MROH2B: variants seen among roughly 807,000 people sequenced by gnomAD.
MROH2B encodes maestro heat-like repeat-containing protein family member 2B.
Under a neutral mutation model 208.6 loss-of-function variants are expected in MROH2B, and 177 were observed. The ratio of observed to expected loss-of-function variants is 0.85; its 90% CI spans 0.75 to 0.96. The LOEUF is 0.96. MROH2B is among the 40% of genes least tolerant of loss of function. MROH2B has a pLI of 0.00. For synonymous variants in MROH2B, 728 were observed against 659.0 expected, an observed-to-expected ratio of 1.10 and a Z score of -1.60; for missense variants, 2,002 against 1,878.7, an observed-to-expected ratio of 1.07 and a Z score of -1.21.
At chr5:41,029,510 C>T (rs1000247112) in intron 24 of MROH2B, among the ~76,000 whole-genome samples, 11 of 151,946 alleles carry the variant, frequency 7.2e-5, no homozygotes, top group Non-Finnish European at 2.9e-5. Context: ...CTTTTGTAGG[C>T]CAAGATTTTG....
At chr5:41,036,127 TATAC>T (rs1406253621) in intron 21 of MROH2B, among the ~76,000 whole-genome samples, 13 of 124,218 alleles carry the variant, frequency 1.0e-4, no homozygotes, top group South Asian at 2.9e-4. Context: ...ATATATTATA[TATAC>T]ACACACACAC....
intron 24 of MROH2B, among the ~76,000 whole-genome samples, chr5:41,025,995 G>A (rs1281329046): frequency 6.6e-6 from 1 of 152,132 alleles, no homozygotes; most frequent in East Asian, 1.9e-4. Context: ...AGCCCCTCAT[G>A]CTAAAAACTC....
intron 21 of MROH2B, among the ~76,000 whole-genome samples, chr5:41,035,087 G>GA (rs1032286002): frequency 2.6e-5 from 4 of 151,984 alleles, no homozygotes; most frequent in African/African-American, 7.2e-5. Context: ...CACAGAATTA[G>GA]AAAAAAACTA....
Position 41,070,912 on chromosome 5 carries a change from A to G in MROH2B, c.-60T>C. On this transcript the variant is annotated 5_prime_UTR_variant, in exon 1 of 42. Transcript: ENST00000399564. ...CCTAAGTATTAGAAATAGTAAGGCT[A>G]AAAAATCAAAGAGGCAGGTTGGCAA... 1 of 1,566,672 alleles carries G rather than the reference A, an allele frequency of 6.4e-7. No homozygotes were observed. Among genetic ancestry groups the G allele is most frequent in the Non-Finnish European group, 8.7e-7 (1 of 1,147,206 alleles).
intron 37 of MROH2B, 36 bp downstream of exon 37, chr5:41,004,310 T>C (rs1452207104): frequency 4.4e-6 from 7 of 1,601,314 alleles, no homozygotes; most frequent in Non-Finnish European, 5.1e-6. Context: ...GTTCACTCAC[T>C]TCTGGGGAGG....
chr5:41,061,425 G>GA, intron 6 of MROH2B, 145 bp downstream of exon 6: 1 of 700,376 alleles, frequency 1.4e-6, no homozygotes. Flanking sequence ...AAATAGGTGG[G>GA]AAAAAAGAAA....
chr5:41,012,500 T>C (rs1005528579), intron 30 of MROH2B, 83 bp downstream of exon 30: 2 of 1,451,350 alleles, frequency 1.4e-6, no homozygotes, highest in African/African-American at 2.8e-5. Flanking sequence ...TGCCCATCAG[T>C]GGACAAACAG....
intron 19 of MROH2B, among the ~76,000 whole-genome samples, chr5:41,040,092 C>G (rs1013424118): frequency 3.7e-4 from 56 of 152,274 alleles, no homozygotes; most frequent in Non-Finnish European, 7.4e-5. Context: ...ACAGTAGGGC[C>G]TTTTAGGCCG....
At chr5:41,054,713 A>C in intron 11 of MROH2B, 54 bp downstream of exon 11, 1 of 1,359,720 alleles carries the variant, frequency 7.4e-7, no homozygotes, top group Non-Finnish European at 1.0e-6. Context: ...AATCAAAATA[A>C]TTTCATTCAT....
At chr5:41,044,216 C>T (rs201257187) in intron 18 of MROH2B, among the ~76,000 whole-genome samples, 2 of 149,524 alleles carry the variant, frequency 1.3e-5, no homozygotes, top group East Asian at 3.9e-4. Flanking sequence ...TGCCACCGCA[C>T]TCCAGCCTGG....
intron 29 of MROH2B, among the ~76,000 whole-genome samples, chr5:41,014,330 A>G (rs115495916): frequency 6.6e-6 from 1 of 152,300 alleles, no homozygotes; most frequent in African/African-American, 2.4e-5. Context: ...TTTCAAATAG[A>G]GCAAAAAACA....
intron 34 of MROH2B, among the ~76,000 whole-genome samples, chr5:41,006,237 C>T (rs970012076): frequency 6.6e-5 from 10 of 151,886 alleles, no homozygotes; most frequent in African/African-American, 1.5e-4. Context: ...TGGAAAAATG[C>T]TTAACATCAC....
Position 41,039,509 on chromosome 5 carries a change from A to G in MROH2B, c.2000T>C (p.Ile667Thr), listed in dbSNP as rs372978038. Reference sequence around the variant, plus strand: ...GAATGTTTTAAGAACTTTTAAAACAATATCCAAATGGTTCTCGGCACAGTA... The same window carrying G: ...GAATGTTTTAAGAACTTTTAAAACAGTATCCAAATGGTTCTCGGCACAGTA... ...LGYCAENHLDIVLKVLKTFQN... is the reference protein window; with the variant it reads ...LGYCAENHLDTVLKVLKTFQN... The change falls in exon 20 of 42, where the codon ATT becomes ACT. Residue 667 changes from isoleucine (I) to threonine (T), a missense_variant. By Grantham distance (89) the Ile-to-Thr change is moderately conservative (BLOSUM62 -1). Coordinates refer to ENST00000399564, the MANE Select transcript of MROH2B (RefSeq NM_173489.5). 3.0e-5 allele frequency: 48 copies of G among 1,608,332 alleles called. No individual in the cohort carries two copies. Among genetic ancestry groups the G allele is most frequent in the Non-Finnish European group, 3.8e-5 (45 of 1,176,884 alleles).
Position 41,021,956 on chromosome 5 carries a change from C to T in MROH2B, c.2442-2938G>A, listed in dbSNP as rs200380001. Among the ~76,000 whole-genome samples, 25 of 152,246 alleles carry T rather than the reference C, an allele frequency of 1.6e-4. 1 individual carries two copies. In the East Asian group the frequency reaches 2.7e-3, roughly 16 times the overall value. On this transcript the variant is annotated intron_variant, in intron 24 of 41. Coordinates refer to ENST00000399564, the MANE Select transcript of MROH2B (RefSeq NM_173489.5). ...TATAAGTAAACCATTAAATGAACTACGACAAGGGTGCCAAGACCATTCCAT... is the reference window on the plus strand; with the variant it reads ...TATAAGTAAACCATTAAATGAACTATGACAAGGGTGCCAAGACCATTCCAT...
rs187294072 is a variant in MROH2B at position 41,059,145 on chromosome 5, A to G, written c.616-942T>C. ...CTCTGTTTCTCTTTCCTGCTCTTGG[A>G]GCAAAGCGTTTCCAAGGTATGGTCT... On this transcript the variant is annotated intron_variant, in intron 6 of 41. Transcript: ENST00000399564. Among the ~76,000 whole-genome samples the G allele has an allele frequency of 3.9e-3, 584 of 151,604 alleles. 6 individuals carry two copies. The highest frequency in any genetic ancestry group is 0.013 in the African/African-American group (547 of 41,300).
At chr5:41,033,302 G>T in intron 22 of MROH2B, 142 bp from the exon 23 acceptor site, 7 of 1,205,282 alleles carry the variant, frequency 5.8e-6, no homozygotes, top group East Asian at 2.6e-5. Context: ...CCAGACTAGG[G>T]TCTAAGTTGC....
intron 16 of MROH2B, 23 bp downstream of exon 16, chr5:41,048,301 G>A: frequency 6.3e-7 from 1 of 1,596,334 alleles, no homozygotes; most frequent in Non-Finnish European, 8.5e-7. Flanking sequence ...CCTGGGTAAA[G>A]ACCTGGCCCC....
intron 28 of MROH2B, 66 bp downstream of exon 28, chr5:41,017,784 A>G: frequency 6.6e-7 from 1 of 1,505,282 alleles, no homozygotes; most frequent in Non-Finnish European, 8.9e-7. Flanking sequence ...GCATAAGGAG[A>G]AAAGCTGAGA....
chr5:41,037,722 C>T (rs540773153), intron 21 of MROH2B, among the ~76,000 whole-genome samples: 8 of 152,218 alleles, frequency 5.3e-5, no homozygotes, highest in Non-Finnish European at 7.4e-5. Context: ...CAGATGTGCA[C>T]GTAATCAATG....
Sources: gnomAD v4.1 joint callset for allele counts (sites outside exome capture counted in the v4.1 genomes callset) on GRCh38, gnomAD v4.1.1 for gene constraint, MANE v1.5 for transcripts, NCBI Gene and HGNC (gene_info 2026-07-23, HGNC 2026-07-21) for gene names.